The following FBXL20 variants were observed in gnomAD, a reference collection of about 807,000 sequenced individuals.
FBXL20 encodes the protein F-box and leucine rich repeat protein 20.
FBXL20 carries 11 observed loss-of-function variants against 64.0 expected under a neutral mutation model. The ratio of observed to expected loss-of-function variants is 0.17; its 90% CI spans 0.11 to 0.28. The LOEUF is 0.28. FBXL20 is among the 10% of genes least tolerant of loss of function. The pLI is 1.00. For synonymous variants in FBXL20, 184 were observed against 189.0 expected, an observed-to-expected ratio of 0.97 and a Z score of 0.22; for missense variants, 303 against 526.2, an observed-to-expected ratio of 0.58 and a Z score of 4.15.
chr17:39,284,521 C>T (rs2046973075), intron 7 of FBXL20, among the ~76,000 whole-genome samples: 1 of 152,152 alleles, frequency 6.6e-6, no homozygotes, highest in African/African-American at 2.4e-5. Flanking sequence ...GCTGGGACTA[C>T]AGGGGTATGC....
At chr17:39,302,591 T>C (rs142702957) in intron 3 of FBXL20, among the ~76,000 whole-genome samples, 160 of 152,190 alleles carry the variant, frequency 1.1e-3, no homozygotes, top group Non-Finnish European at 1.7e-3. Context: ...GCCAGGAGGG[T>C]CTCTATCTCC....
chr17:39,316,850 A>G lies in FBXL20; in HGVS notation c.105-13211T>C, dbSNP rs192056785. ...TGAAAATACTAAAAATGAGCCGGGCATGGTGCTGGGCGCCTGTAATCCCAG... is the reference window on the plus strand; with the variant it reads ...TGAAAATACTAAAAATGAGCCGGGCGTGGTGCTGGGCGCCTGTAATCCCAG... On this transcript the variant is annotated intron_variant, in intron 2 of 14. Transcript: ENST00000264658. Among the ~76,000 whole-genome samples the G allele has an allele frequency of 3.0e-4, 45 of 152,334 alleles. No individual in the cohort carries two copies. The East Asian group carries it at 5.6e-3, about 19-fold the overall frequency.
chr17:39,271,966 T>C (rs2046847973), intron 10 of FBXL20, among the ~76,000 whole-genome samples: 1 of 152,122 alleles, frequency 6.6e-6, no homozygotes, highest in South Asian at 2.1e-4. Context: ...GAGAAATGGA[T>C]GGCGGGGTGC....
At chr17:39,276,502 C>T (rs1283877157) in intron 9 of FBXL20, among the ~76,000 whole-genome samples, 2 of 151,952 alleles carry the variant, frequency 1.3e-5, no homozygotes, top group South Asian at 4.1e-4. Flanking sequence ...AACCCCGTCT[C>T]TACTAAAAAT....
rs1230848819 is a variant in FBXL20, at chr17:39,301,257, G to C, written c.160-182C>G. ...TGACCCATATTGTATTCTCCAATTA[G>C]ATAATCTCATAAACGAGTGGGTACT... On this transcript the variant is annotated intron_variant, in intron 3 of 14. Transcript: ENST00000264658. Among the ~76,000 whole-genome samples, 5 of 152,096 alleles carry C rather than the reference G, an allele frequency of 3.3e-5. 1 individual carries two copies. Among genetic ancestry groups the C allele is most frequent in the Admixed American group, 3.3e-4 (5 of 15,260 alleles).
At chr17:39,378,998 C>T (rs760330999) in intron 1 of FBXL20, among the ~76,000 whole-genome samples, 41 of 150,114 alleles carry the variant, frequency 2.7e-4, no homozygotes, top group Non-Finnish European at 5.2e-4. Flanking sequence ...GAGGCCGAGG[C>T]GGGCAGATCA....
intron 2 of FBXL20, 122 bp from the exon 3 acceptor site, chr17:39,303,761 G>T: frequency 1.3e-6 from 1 of 774,714 alleles, no homozygotes; most frequent in Non-Finnish European, 2.0e-6. Flanking sequence ...ATCACTGCTC[G>T]CCCCAGCCTT....
At chr17:39,321,090 G>A (rs979678874) in intron 2 of FBXL20, among the ~76,000 whole-genome samples, 1 of 152,044 alleles carries the variant, frequency 6.6e-6, no homozygotes, top group Non-Finnish European at 1.5e-5. Flanking sequence ...AAAATATACA[G>A]TGAACATAAG....
intron 6 of FBXL20, among the ~76,000 whole-genome samples, chr17:39,287,994 G>GC (rs2047004292): frequency 7.1e-6 from 1 of 141,518 alleles, no homozygotes; most frequent in South Asian, 2.2e-4. Context: ...TTTTGAGATG[G>GC]ACTCTGTCAC....
rs184871646 is a variant in FBXL20 at position 39,370,169 on chromosome 17, G to A, written c.43-26928C>T. ...CATCTTAAAAATAATGTTTGCATGT[G>A]TCCTTAACAAAGAGGATGGTTTAAA... is the stretch of plus-strand genomic sequence containing the variant. On this transcript the variant is annotated intron_variant, in intron 1 of 14. Coordinates refer to ENST00000264658, the MANE Select transcript of FBXL20 (RefSeq NM_032875.3). Among the ~76,000 whole-genome samples the A allele has an allele frequency of 2.2e-3, 333 of 151,196 alleles. 1 individual carries two copies. Among genetic ancestry groups the A allele is most frequent in the Admixed American group, 4.9e-3 (74 of 15,142 alleles).
At chr17:39,318,609 G>T (rs188730900) in intron 2 of FBXL20, among the ~76,000 whole-genome samples, 1 of 152,070 alleles carries the variant, frequency 6.6e-6, no homozygotes, top group East Asian at 1.9e-4. Flanking sequence ...GCTTGGTGGC[G>T]CATGCCTGTA....
chr17:39,302,608 C>T (rs1313259455), intron 3 of FBXL20, among the ~76,000 whole-genome samples: 1 of 152,154 alleles, frequency 6.6e-6, no homozygotes, highest in Admixed American at 6.5e-5. Context: ...CTCCCAACCT[C>T]ATGATCTGCC....
At position 39,282,832 on chromosome 17, in the gene FBXL20, T is replaced by C; in HGVS notation, c.518A>G (p.Gln173Arg). 1 of 1,614,152 alleles carries C rather than the reference T, an allele frequency of 6.2e-7. No individual in the cohort carries two copies. Among genetic ancestry groups the C allele is most frequent in the East Asian group, 2.2e-5 (1 of 44,874 alleles). ...TTGGTCACACCAGGAAATGTTCAAC[T>C]GCTCCAACAGTGGACATCCCTCACT... The part of the protein sequence containing the change: ...ALSEGCPLLE[Q>R]LNISWCDQVT... Residue 173 changes from glutamine to arginine, a missense_variant, in exon 8 of 15, where the codon CAG becomes CGG. By Grantham distance (43) the Gln-to-Arg change is conservative. Transcript: ENST00000264658.
chr17:39,262,817 T>C (rs1041454877), intron 14 of FBXL20, among the ~76,000 whole-genome samples: 67 of 150,228 alleles, frequency 4.5e-4, no homozygotes, highest in African/African-American at 1.5e-3. Flanking sequence ...GCTAACACGG[T>C]GAAACTCTGC....
chr17:39,361,756 C>G (rs1263156749), intron 1 of FBXL20, among the ~76,000 whole-genome samples: 2 of 151,912 alleles, frequency 1.3e-5, no homozygotes, highest in Non-Finnish European at 2.9e-5. Flanking sequence ...GAGATCGCAC[C>G]ACTGCACTCC....
At chr17:39,396,948 C>T (rs139884103) in intron 1 of FBXL20, among the ~76,000 whole-genome samples, 92 of 136,896 alleles carry the variant, frequency 6.7e-4, no homozygotes, top group African/African-American at 2.7e-3. Flanking sequence ...CAGAGCAAGA[C>T]TCCGGCTCAA....
At chr17:39,362,710 G>C (rs984622543) in intron 1 of FBXL20, among the ~76,000 whole-genome samples, 1 of 145,730 alleles carries the variant, frequency 6.9e-6, no homozygotes, top group East Asian at 2.1e-4. Context: ...CCTTCATCTC[G>C]GGTTCAAGTG....
chr17:39,283,433 C>G (rs1242648603), intron 7 of FBXL20, among the ~76,000 whole-genome samples: 1 of 151,748 alleles, frequency 6.6e-6, no homozygotes, highest in East Asian at 1.9e-4. Context: ...TTCAGATTTT[C>G]TTTTCTTTCT....
chr17:39,343,220 C>T lies in FBXL20; in HGVS notation c.64G>A (p.Ala22Thr). Residue 22 changes from alanine (A) to threonine (T), a missense_variant, in exon 2 of 15, where the codon GCT becomes ACT. Physicochemically the swap from Ala to Thr is moderately conservative, Grantham distance 58. Around this residue, in one of 3 missense-constraint regions of FBXL20, gnomAD observed 246 missense variants for 422.6 expected, o/e 0.58. Coordinates refer to ENST00000264658, the MANE Select transcript of FBXL20 (RefSeq NM_032875.3). ...RFEMFSNSDE[A>T]VINKKLPKEL... The stretch of plus-strand genomic sequence containing the variant: ...TTGGGAAGTTTTTTATTGATTACAG[C>T]TTCATCACTATTTGAGAACATCTGC... 6.2e-7 allele frequency: 1 copy of T among 1,602,358 alleles called. No homozygotes were observed. The highest frequency in any genetic ancestry group is 8.5e-7 in the Non-Finnish European group (1 of 1,176,266).
Sources: gnomAD v4.1 joint callset for allele counts (sites outside exome capture counted in the v4.1 genomes callset) on GRCh38, gnomAD v4.1.1 for gene constraint, gnomAD v4.1.1 regional missense constraint, MANE v1.5 for transcripts, NCBI Gene and HGNC (gene_info 2026-07-23, HGNC 2026-07-21) for gene names.